The following SLC17A8 variants were observed in gnomAD, a reference collection of about 807,000 sequenced individuals.
SLC17A8 encodes the protein vesicular glutamate transporter 3.
SLC17A8 carries 31 observed loss-of-function variants against 58.0 expected under a neutral mutation model. That is an observed-to-expected ratio of 0.53 (90% CI 0.40 to 0.72). The LOEUF is 0.72. Ranked by LOEUF, SLC17A8 falls within the 30% of genes least tolerant of loss-of-function variation. SLC17A8 has a pLI of 0.00. For missense variants in SLC17A8, 655 were observed against 727.8 expected (o/e 0.90, Z 1.15); for synonymous variants, 228 against 249.0 (o/e 0.92, Z 0.79).
At chr12:100,368,925 G>A (rs1390185305) in intron 1 of SLC17A8, among the ~76,000 whole-genome samples, 1 of 152,154 alleles carries the variant, frequency 6.6e-6, no homozygotes, top group Non-Finnish European at 1.5e-5. Context: ...AAAGTTCTTA[G>A]CTGCAATCAA....
intron 5 of SLC17A8, among the ~76,000 whole-genome samples, chr12:100,397,473 C>T (rs936543359): frequency 3.9e-5 from 6 of 152,198 alleles, no homozygotes; most frequent in Non-Finnish European, 7.3e-5. Flanking sequence ...TTAATTCCTG[C>T]ATCTCCAAAC....
At chr12:100,372,495 C>T (rs1041484979) in intron 1 of SLC17A8, among the ~76,000 whole-genome samples, 1 of 151,956 alleles carries the variant, frequency 6.6e-6, no homozygotes, top group Admixed American at 6.6e-5. Flanking sequence ...CCACAGGCAT[C>T]CATGCCACCA....
chr12:100,360,753 T>G (rs953278186), intron 1 of SLC17A8, among the ~76,000 whole-genome samples: 4 of 152,224 alleles, frequency 2.6e-5, no homozygotes, highest in African/African-American at 7.2e-5. Context: ...ATCAAGTGTC[T>G]TTCCTCTTCC....
In SLC17A8 at chr12:100,402,337, C is replaced by A; in HGVS notation, c.764-3C>A. Reference sequence around the variant, plus strand: ...AACCCAGCCTTTTCTTTTTTAACTGCAGGCATGTTTGGGATTATTTGGTAC... The same window carrying A: ...AACCCAGCCTTTTCTTTTTTAACTGAAGGCATGTTTGGGATTATTTGGTAC... On this transcript the variant is annotated splice_region_variant and splice_polypyrimidine_tract_variant and intron_variant, in intron 6 of 11. Transcript: ENST00000323346. The A allele has an allele frequency of 1.2e-6, 2 of 1,613,982 alleles. No homozygotes were observed. The highest frequency in any genetic ancestry group is 1.7e-6 in the Non-Finnish European group (2 of 1,180,002).
At chr12:100,377,691 T>A (rs1952604838) in intron 1 of SLC17A8, among the ~76,000 whole-genome samples, 1 of 149,002 alleles carries the variant, frequency 6.7e-6, no homozygotes, top group African/African-American at 2.5e-5. Flanking sequence ...CAGATTCAAG[T>A]GATTCTCCTG....
chr12:100,360,525 C>G (rs1294623100), intron 1 of SLC17A8, among the ~76,000 whole-genome samples: 1 of 152,144 alleles, frequency 6.6e-6, no homozygotes, highest in Non-Finnish European at 1.5e-5. Context: ...GCCTCAAACT[C>G]CTGGCCTCAA....
At chr12:100,358,079 G>T (rs962956715) in intron 1 of SLC17A8, among the ~76,000 whole-genome samples, 5 of 152,146 alleles carry the variant, frequency 3.3e-5, no homozygotes, top group African/African-American at 1.2e-4. Flanking sequence ...AATTGAATGA[G>T]ATTTTAGTCC....
At chr12:100,396,517 G>A in intron 5 of SLC17A8, 100 bp downstream of exon 5, 1 of 875,802 alleles carries the variant, frequency 1.1e-6, no homozygotes, top group Non-Finnish European at 1.9e-6. Context: ...GGGAGGCCGA[G>A]GCAGGAGGAT....
In SLC17A8 at chr12:100,357,366, C is replaced by A; in HGVS notation, c.-26C>A. 1.6e-6 allele frequency: 2 copies of A among 1,268,878 alleles called. No individual in the cohort carries two copies. Among genetic ancestry groups the A allele is most frequent in the African/African-American group, 1.5e-5 (1 of 68,112 alleles). 78.6% of individuals were successfully genotyped at this position (1,268,878 alleles called of 1,614,324 possible). On this transcript the variant is annotated 5_prime_UTR_variant, in exon 1 of 12. Coordinates refer to ENST00000323346, the MANE Select transcript of SLC17A8 (RefSeq NM_139319.3). ...GACAGTTTTTGAGACTGACTGTTAA[C>A]GGCTCAGAGGTGCCCCTCATTCAAA...
rs1383859147 is a variant in SLC17A8, at chr12:100,421,669, T to TTG, written c.*1511_*1512insGT. 2.0e-5 allele frequency: 3 copies of TTG among 149,664 alleles called. No homozygotes were observed. Among genetic ancestry groups the TTG allele is most frequent in the Non-Finnish European group, 4.5e-5 (3 of 67,386 alleles). 9.3% of individuals were successfully genotyped at this position (149,664 alleles called of 1,614,324 possible). On this transcript the variant is annotated 3_prime_UTR_variant, in exon 12 of 12. Transcript: ENST00000323346. ...TATTATTGTAAAGTGTTTTTTTTTT[T>TTG]TTTTTTTTTTTCTAATTTCTCCCAC...
intron 9 of SLC17A8, among the ~76,000 whole-genome samples, chr12:100,410,346 T>G (rs1952857791): frequency 6.6e-6 from 1 of 151,942 alleles, no homozygotes; most frequent in Non-Finnish European, 1.5e-5. Flanking sequence ...ATATAAACAA[T>G]TAGCTGGGCA....
At chr12:100,386,910 A>C (rs938058461) in intron 2 of SLC17A8, among the ~76,000 whole-genome samples, 7 of 152,078 alleles carry the variant, frequency 4.6e-5, no homozygotes, top group Admixed American at 3.3e-4. Flanking sequence ...GCTGGTCTCG[A>C]ACTCCTGACC....
chr12:100,408,676 G>A (rs1952843730), intron 9 of SLC17A8, among the ~76,000 whole-genome samples: 1 of 152,000 alleles, frequency 6.6e-6, no homozygotes, highest in Admixed American at 6.6e-5. Flanking sequence ...ATGAACTGAT[G>A]TATCATTTGT....
chr12:100,371,247 G>C lies in SLC17A8; in HGVS notation c.102-9454G>C, dbSNP rs549071073. 4.6e-5 allele frequency among the ~76,000 whole-genome samples: 7 copies of C among 152,298 alleles called. No homozygotes were observed. The East Asian group carries it at 1.4e-3, about 29-fold the overall frequency. The stretch of plus-strand genomic sequence containing the variant: ...GTAGTCCCATCTTCCTTTCATAAAT[G>C]AGGGAACTCAGGTTGAGGGAAGTTA... On this transcript the variant is annotated intron_variant, in intron 1 of 11. Transcript: ENST00000323346.
chr12:100,392,471 A>G (rs949688926), intron 3 of SLC17A8, among the ~76,000 whole-genome samples: 11 of 152,224 alleles, frequency 7.2e-5, no homozygotes, highest in African/African-American at 2.2e-4. Flanking sequence ...AGCCACTACC[A>G]TAAGATCTAA....
Position 100,420,142 on chromosome 12 carries a change from T to G in SLC17A8, c.1753T>G (p.Phe585Val), listed in dbSNP as rs1385405953. The G allele has an allele frequency of 3.7e-6, 6 of 1,612,972 alleles. No homozygotes were observed. The highest frequency in any genetic ancestry group is 5.1e-6 in the Non-Finnish European group (6 of 1,179,458). The change falls in exon 12 of 12, where the codon TTC becomes GTC. Residue 585 changes from phenylalanine to valine, a missense_variant. Transcript: ENST00000323346. ...LTSYQNEERNFSTIS is the reference protein window; with the variant it reads ...LTSYQNEERNVSTIS Reference sequence around the variant, plus strand: ...ATCCTACCAGAATGAAGAGAGAAACTTCTCAACTATATCCTAATGTCTGAG... The same window carrying G: ...ATCCTACCAGAATGAAGAGAGAAACGTCTCAACTATATCCTAATGTCTGAG...
At chr12:100,368,837 A>T (rs114137078) in intron 1 of SLC17A8, among the ~76,000 whole-genome samples, 1,546 of 152,320 alleles carry the variant, frequency 0.01, 29 homozygotes, top group African/African-American at 0.035. Context: ...ACCATATTAT[A>T]TATTTTGACA....
intron 1 of SLC17A8, among the ~76,000 whole-genome samples, chr12:100,361,528 C>T (rs1300267046): frequency 1.3e-5 from 2 of 152,240 alleles, no homozygotes; most frequent in Non-Finnish European, 2.9e-5. Flanking sequence ...GCCCTCTTCT[C>T]TGTCCCTCTT....
intron 10 of SLC17A8, among the ~76,000 whole-genome samples, chr12:100,417,378 A>C (rs1952914129): frequency 6.6e-6 from 1 of 152,228 alleles, no homozygotes; most frequent in Non-Finnish European, 1.5e-5. Context: ...GTGAATAGTA[A>C]TATTATCCTC....
Sources: gnomAD v4.1 joint callset for allele counts (sites outside exome capture counted in the v4.1 genomes callset) on GRCh38, gnomAD v4.1.1 for gene constraint, MANE v1.5 for transcripts, NCBI Gene and HGNC (gene_info 2026-07-23, HGNC 2026-07-21) for gene names.